The following ENOX1 variants were observed in gnomAD, a reference collection of about 807,000 sequenced individuals.
ENOX1 encodes ecto-NOX disulfide-thiol exchanger 1, also known as candidate growth-related and time keeping constitutive hydroquinone (NADH) oxidase.
A neutral mutation model predicts 82.5 loss-of-function variants in ENOX1; 42 were observed. The observed-to-expected ratio is 0.51, with a 90% CI of 0.40 to 0.66. The LOEUF (loss-of-function observed/expected upper bound fraction) is 0.66. ENOX1 is among the 30% of genes least tolerant of loss of function. ENOX1 has a pLI of 0.00. For missense variants in ENOX1, 608 were observed against 811.6 expected (o/e 0.75, Z 3.05); for synonymous variants, 271 against 282.2 (o/e 0.96, Z 0.40).
At chr13:43,288,180 C>A (rs1418694797) in intron 12 of ENOX1, among the ~76,000 whole-genome samples, 1 of 152,164 alleles carries the variant, frequency 6.6e-6, no homozygotes, top group Non-Finnish European at 1.5e-5. Flanking sequence ...CCATGGTGGA[C>A]CCCAAATTTG....
At chr13:43,247,874 TATATATA>T (rs2043209349) in intron 14 of ENOX1, among the ~76,000 whole-genome samples, 3 of 2,636 alleles carry the variant, frequency 1.1e-3, no homozygotes, top group Non-Finnish European at 1.5e-3. Flanking sequence ...TATATATATA[TATATATA>T]TATTTTTTTT....
chr13:43,519,626 C>G (rs1319000111), intron 2 of ENOX1, among the ~76,000 whole-genome samples: 1 of 152,120 alleles, frequency 6.6e-6, no homozygotes, highest in Non-Finnish European at 1.5e-5. Context: ...GGTCTGGCAG[C>G]CAGACAAACT....
chr13:43,218,696 G>A (rs931406538), intron 16 of ENOX1, among the ~76,000 whole-genome samples: 1 of 152,168 alleles, frequency 6.6e-6, no homozygotes, highest in Non-Finnish European at 1.5e-5. Context: ...TATATCTCAT[G>A]ACAGAAGAAA....
At chr13:43,236,888 G>C (rs1302000067) in intron 14 of ENOX1, 150 bp from the exon 15 acceptor site, 6 of 440,664 alleles carry the variant, frequency 1.4e-5, no homozygotes, top group Non-Finnish European at 1.6e-5. Context: ...TGATCTATTT[G>C]CCCAAGAGTA....
At chr13:43,493,772 C>A (rs540664245) in intron 2 of ENOX1, among the ~76,000 whole-genome samples, 2 of 152,312 alleles carry the variant, frequency 1.3e-5, no homozygotes, top group East Asian at 3.9e-4. Context: ...TACTGAAGCA[C>A]TGAGAATAAT....
chr13:43,331,432 G>C (rs2048402645), intron 9 of ENOX1, among the ~76,000 whole-genome samples: 2 of 152,136 alleles, frequency 1.3e-5, no homozygotes, highest in African/African-American at 2.4e-5. Flanking sequence ...TCCAAGCTTA[G>C]TTTTTGTTTT....
At chr13:43,765,965 GGA>G (rs1246108982) in intron 1 of ENOX1, among the ~76,000 whole-genome samples, 1 of 152,122 alleles carries the variant, frequency 6.6e-6, no homozygotes, top group Non-Finnish European at 1.5e-5. Context: ...TTTAGCAAAA[GGA>G]GAGACTTCAT....
intron 10 of ENOX1, 102 bp downstream of exon 10, chr13:43,326,317 G>T: frequency 1.1e-6 from 1 of 906,816 alleles, no homozygotes; most frequent in South Asian, 1.6e-5. Flanking sequence ...AATGGCAGGC[G>T]GACTGCCCAC....
At chr13:43,662,993 G>A (rs1402209079) in intron 2 of ENOX1, among the ~76,000 whole-genome samples, 2 of 152,172 alleles carry the variant, frequency 1.3e-5, no homozygotes, top group African/African-American at 4.8e-5. Flanking sequence ...AGGAGGGAAG[G>A]ATTTTGAAAA....
chr13:43,496,375 C>G (rs556339404), intron 2 of ENOX1, among the ~76,000 whole-genome samples: 2 of 151,354 alleles, frequency 1.3e-5, no homozygotes, highest in Non-Finnish European at 2.9e-5. Flanking sequence ...GCAATTGGCT[C>G]TTTTTCTTTT....
chr13:43,708,241 A>G (rs921680658), intron 1 of ENOX1, among the ~76,000 whole-genome samples: 8 of 152,220 alleles, frequency 5.3e-5, no homozygotes, highest in Admixed American at 2.0e-4. Context: ...TACAACTTCA[A>G]TAAGCACATT....
At chr13:43,262,578 G>A (rs972128539) in intron 14 of ENOX1, among the ~76,000 whole-genome samples, 3 of 152,148 alleles carry the variant, frequency 2.0e-5, no homozygotes, top group East Asian at 1.9e-4. Flanking sequence ...CTACGTTGGA[G>A]TGCAGTGGTG....
At chr13:43,470,212 A>G (rs1419830993) in intron 3 of ENOX1, among the ~76,000 whole-genome samples, 1 of 137,398 alleles carries the variant, frequency 7.3e-6, no homozygotes, top group Non-Finnish European at 1.6e-5. Flanking sequence ...ATGTGTATAT[A>G]TATATGTGTG....
At chr13:43,293,538 A>G (rs1370957594) in intron 12 of ENOX1, among the ~76,000 whole-genome samples, 3 of 152,146 alleles carry the variant, frequency 2.0e-5, no homozygotes, top group East Asian at 3.9e-4. Flanking sequence ...AGCCACCATC[A>G]CCACCACCCC....
intron 2 of ENOX1, among the ~76,000 whole-genome samples, chr13:43,536,966 C>G (rs754477512): frequency 1.3e-5 from 2 of 152,026 alleles, no homozygotes; most frequent in Non-Finnish European, 2.9e-5. Context: ...AAATGGAGTG[C>G]CAAGGAAACA....
chr13:43,573,173 C>T (rs1018179232), intron 2 of ENOX1, among the ~76,000 whole-genome samples: 2 of 152,180 alleles, frequency 1.3e-5, no homozygotes, highest in Non-Finnish European at 2.9e-5. Context: ...GGCTTGCATG[C>T]TAATGACTGC....
At chr13:43,478,233 G>A (rs61959518) in intron 3 of ENOX1, among the ~76,000 whole-genome samples, 66,650 of 151,790 alleles carry the variant, frequency 0.44, 15,095 homozygotes, top group Non-Finnish European at 0.5. Context: ...AACAGACTCC[G>A]TGCATGAGGA....
chr13:43,520,615 C>T (rs1024865215), intron 2 of ENOX1, among the ~76,000 whole-genome samples: 2 of 152,174 alleles, frequency 1.3e-5, no homozygotes, highest in Non-Finnish European at 2.9e-5. Context: ...GAATCACCAT[C>T]ACACGAACCA....
intron 3 of ENOX1, among the ~76,000 whole-genome samples, chr13:43,439,127 C>T (rs1051352903): frequency 6.7e-6 from 1 of 148,180 alleles, no homozygotes; most frequent in South Asian, 2.1e-4. Flanking sequence ...ATTGCAACCT[C>T]TGCCTCCCAC....
Sources: gnomAD v4.1 joint callset for allele counts (sites outside exome capture counted in the v4.1 genomes callset) on GRCh38, gnomAD v4.1.1 for gene constraint, MANE v1.5 for transcripts, NCBI Gene and HGNC (gene_info 2026-07-23, HGNC 2026-07-21) for gene names.